Variants in SPHKAP observed in about 807,000 individuals in gnomAD.
The protein encoded by SPHKAP is SPHK1 interactor, AKAP domain containing, also known as A-kinase anchor protein SPHKAP.
Under a neutral mutation model 137.5 loss-of-function variants are expected in SPHKAP, and 67 were observed. The observed-to-expected ratio is 0.49, with a 90% CI of 0.40 to 0.60. The LOEUF is 0.60. Ranked by LOEUF, SPHKAP falls within the 20% of genes least tolerant of loss-of-function variation. The probability of loss-of-function intolerance (pLI) is 0.00; values close to 1 mark genes in which losing one functional copy is unlikely to be tolerated. For synonymous variants in SPHKAP, 813 were observed against 785.3 expected (o/e 1.04, Z -0.59); for missense variants, 2,097 against 2,069.3 (o/e 1.01, Z -0.26).
intron 3 of SPHKAP, among the ~76,000 whole-genome samples, chr2:228,062,156 CT>C (rs924547370): frequency 4.5e-4 from 67 of 150,510 alleles, no homozygotes; most frequent in African/African-American, 1.4e-3. Context: ...CTCCCCTGAC[CT>C]TTTTTTTTAA....
intron 1 of SPHKAP, among the ~76,000 whole-genome samples, chr2:228,164,912 A>T (rs970102119): frequency 3.3e-5 from 5 of 152,166 alleles, no homozygotes; most frequent in African/African-American, 1.2e-4. Context: ...TGGCGCACAC[A>T]TGTCAATTTG....
intron 3 of SPHKAP, among the ~76,000 whole-genome samples, chr2:228,056,093 A>G (rs1696432764): frequency 6.6e-6 from 1 of 152,218 alleles, no homozygotes; most frequent in African/African-American, 2.4e-5. Flanking sequence ...CTATGCCCTC[A>G]AACTAATCTT....
In SPHKAP at chr2:228,139,205, C is replaced by T. The variant is rs181924254; in HGVS notation, c.33-7120G>A. 1.2e-3 allele frequency among the ~76,000 whole-genome samples: 187 copies of T among 152,028 alleles called. 1 individual carries two copies. The Middle Eastern group carries it at 0.014, about 11-fold the overall frequency. On this transcript the variant is annotated intron_variant, in intron 1 of 11. Transcript: ENST00000392056. ...CGGAAAAATTCCCTATTTTCAGTTC[C>T]GAAATCTTTTTTCAACAATAGCCAA... is the stretch of plus-strand genomic sequence containing the variant.
intron 1 of SPHKAP, among the ~76,000 whole-genome samples, chr2:228,172,168 A>G (rs914609020): frequency 1.3e-5 from 2 of 152,332 alleles, no homozygotes; most frequent in Middle Eastern, 3.4e-3. Flanking sequence ...AAGAATAAAA[A>G]AAGGAAAATG....
At position 228,019,477 on chromosome 2, in the gene SPHKAP, A is replaced by T; in HGVS notation, c.1377T>A (p.Ser459Arg). ...AGATGCCTGGCTGTGGGGCAGCATC[A>T]CTGCCATCTGGACTCTGAACAACGA... Reference protein sequence around the residue: ...KIVVVQSPDGSDAAPQPGISS... With the variant: ...KIVVVQSPDGRDAAPQPGISS... The change falls in exon 7 of 12, where the codon AGT (serine) becomes AGA (arginine). Residue 459 changes from serine (S) to arginine (R), a missense_variant. Ser to Arg is a moderately radical substitution (Grantham distance 110). Transcript: ENST00000392056. The T allele has an allele frequency of 6.2e-7, 1 of 1,614,204 alleles. No individual in the cohort carries two copies. The highest frequency in any genetic ancestry group is 8.5e-7 in the Non-Finnish European group (1 of 1,180,038).
chr2:227,997,112 C>G (rs1356376726), intron 7 of SPHKAP, among the ~76,000 whole-genome samples: 1 of 152,196 alleles, frequency 6.6e-6, no homozygotes, highest in Non-Finnish European at 1.5e-5. Flanking sequence ...ATTAAAGTAC[C>G]TAAAGCATAT....
chr2:228,001,299 A>G (rs1327876037), intron 7 of SPHKAP, among the ~76,000 whole-genome samples: 2 of 145,228 alleles, frequency 1.4e-5, no homozygotes, highest in Non-Finnish European at 3.0e-5. Flanking sequence ...CTATACATAT[A>G]AATATATCTA....
chr2:228,052,894 G>C (rs1696308651), intron 3 of SPHKAP, among the ~76,000 whole-genome samples: 1 of 152,076 alleles, frequency 6.6e-6, no homozygotes, highest in Non-Finnish European at 1.5e-5. Context: ...TTTCTCTCTA[G>C]GTTGATTGGA....
Position 228,018,317 on chromosome 2 carries a change from G to T in SPHKAP, c.2537C>A (p.Pro846His), listed in dbSNP as rs1338676663. The change falls in exon 7 of 12, where the codon CCT becomes CAT. Residue 846 changes from proline (P) to histidine (H), a missense_variant. Pro to His is a moderately conservative substitution (Grantham distance 77, BLOSUM62 -2). Coordinates refer to ENST00000392056, the MANE Select transcript of SPHKAP (RefSeq NM_001142644.2). ...TCTGCATTCATTCTCACTGTGATGAGGGCTTTTTGTATCCTCTCCTGCTAT... is the reference window on the plus strand; with the variant it reads ...TCTGCATTCATTCTCACTGTGATGATGGCTTTTTGTATCCTCTCCTGCTAT... ...KGIAGEDTKS[P>H]HHSENECRAS... The T allele has an allele frequency of 6.2e-7, 1 of 1,614,076 alleles. No individual in the cohort carries two copies. Among genetic ancestry groups the T allele is most frequent in the African/African-American group, 1.3e-5 (1 of 74,928 alleles).
chr2:228,122,193 A>G (rs1025118190), intron 2 of SPHKAP, among the ~76,000 whole-genome samples: 1 of 152,196 alleles, frequency 6.6e-6, no homozygotes, highest in Non-Finnish European at 1.5e-5. Context: ...GGAATTCAGA[A>G]AAACAGATCA....
At chr2:228,168,092 G>A (rs1024951973) in intron 1 of SPHKAP, among the ~76,000 whole-genome samples, 1 of 151,950 alleles carries the variant, frequency 6.6e-6, no homozygotes, top group African/African-American at 2.4e-5. Context: ...TTTTAAAACA[G>A]CTGATTTACT....
At chr2:228,028,572 G>C (rs1479544516) in intron 3 of SPHKAP, among the ~76,000 whole-genome samples, 31 of 152,128 alleles carry the variant, frequency 2.0e-4, no homozygotes. Flanking sequence ...TATTTTTACT[G>C]TTTTTACCTT....
chr2:227,994,682 T>C (rs1452003003), intron 8 of SPHKAP, among the ~76,000 whole-genome samples: 1 of 152,238 alleles, frequency 6.6e-6, no homozygotes, highest in East Asian at 1.9e-4. Context: ...TAATCAACCC[T>C]ATAAACCTTA....
chr2:228,017,121 G>C lies in SPHKAP; in HGVS notation c.3733C>G (p.Pro1245Ala). ...ACATTCACTGTCAGCCTGGAGCATG[G>C]GGATCTGCTGTCTGGCATGGACGAC... ...RQSSMPDSRS[P>A]CSRLTVNVPI... The change falls in exon 7 of 12, where the codon CCA (proline) becomes GCA (alanine). Residue 1245 changes from proline to alanine, a missense_variant. Transcript: ENST00000392056. The C allele has an allele frequency of 6.2e-7, 1 of 1,614,070 alleles. No individual in the cohort carries two copies. Among genetic ancestry groups the C allele is most frequent in the Non-Finnish European group, 8.5e-7 (1 of 1,180,034 alleles).
chr2:227,983,070 G>A (rs1693060272), intron 11 of SPHKAP, among the ~76,000 whole-genome samples: 1 of 152,076 alleles, frequency 6.6e-6, no homozygotes, highest in Admixed American at 6.6e-5. Context: ...TTGTGGTTCA[G>A]TTACTATTTC....
At chr2:228,130,404 C>T (rs1186028435) in intron 2 of SPHKAP, among the ~76,000 whole-genome samples, 2 of 152,094 alleles carry the variant, frequency 1.3e-5, no homozygotes, top group African/African-American at 4.8e-5. Context: ...TCTATTAATT[C>T]ATTGAGTCCT....
At chr2:228,067,388 A>G (rs1051617093) in intron 3 of SPHKAP, among the ~76,000 whole-genome samples, 1 of 152,234 alleles carries the variant, frequency 6.6e-6, no homozygotes, top group African/African-American at 2.4e-5. Context: ...AAAATATAAA[A>G]TTCAATATAG....
At chr2:227,985,781 C>T (rs2106153017) in intron 11 of SPHKAP, among the ~76,000 whole-genome samples, 1 of 152,218 alleles carries the variant, frequency 6.6e-6, no homozygotes, top group East Asian at 1.9e-4. Flanking sequence ...TAATTGTTTA[C>T]AAAACTATAT....
chr2:228,135,642 T>A (rs554500529), intron 1 of SPHKAP, among the ~76,000 whole-genome samples: 20 of 152,226 alleles, frequency 1.3e-4, no homozygotes, highest in Admixed American at 1.1e-3. Context: ...ATTAGAAAGT[T>A]TTTTTTTGCT....
Sources: gnomAD v4.1 joint callset for allele counts (sites outside exome capture counted in the v4.1 genomes callset) on GRCh38, gnomAD v4.1.1 for gene constraint, MANE v1.5 for transcripts, NCBI Gene and HGNC (gene_info 2026-07-23, HGNC 2026-07-21) for gene names.